TTC23L: variants seen among roughly 807,000 people sequenced by gnomAD.
TTC23L encodes the protein tetratricopeptide repeat domain 23 like, also known as tetratricopeptide repeat protein 23-like.
TTC23L carries 42 observed loss-of-function variants against 48.1 expected under a neutral mutation model. The ratio of observed to expected loss-of-function variants is 0.87; its 90% CI spans 0.68 to 1.13. The LOEUF is 1.13. Ranked by LOEUF, TTC23L falls within the 50% of genes most tolerant of loss-of-function variation. The pLI is 0.00. For missense variants in TTC23L, 391 were observed against 421.0 expected (o/e 0.93, Z 0.62); for synonymous variants, 159 against 157.2 (o/e 1.01, Z -0.09).
At chr5:34,908,884 G>A in the TTC23L span, 5 of 1,612,926 alleles carry the variant, frequency 3.1e-6, no homozygotes, top group Non-Finnish European at 4.2e-6. Flanking sequence ...TTATCTGTCC[G>A]AATAGATACC....
chr5:34,925,444 CA>C, the TTC23L span: 1 of 1,613,124 alleles, frequency 6.2e-7, no homozygotes, highest in Non-Finnish European at 8.5e-7. Flanking sequence ...AACGGATTTA[CA>C]AAAGGCAAAG....
chr5:34,862,092 C>T (rs111373588), intron 4 of TTC23L, among the ~76,000 whole-genome samples: 5 of 152,204 alleles, frequency 3.3e-5, no homozygotes, highest in African/African-American at 1.2e-4. Context: ...TCCCTCACTG[C>T]AGTCTATGGA....
intron 9 of TTC23L, among the ~76,000 whole-genome samples, chr5:34,888,012 C>A (rs560509533): frequency 4.5e-4 from 69 of 152,280 alleles, no homozygotes; most frequent in African/African-American, 1.7e-3. Flanking sequence ...GAAACCTAAT[C>A]TTCGATGTGG....
the TTC23L span, chr5:34,906,634 G>A: frequency 1.3e-5 from 2 of 152,006 alleles, no homozygotes; most frequent in African/African-American, 4.8e-5. Context: ...GCAAGATCTT[G>A]TCTCCAAAAA....
chr5:34,913,198 C>G, the TTC23L span, among the ~76,000 whole-genome samples: 1 of 152,058 alleles, frequency 6.6e-6, no homozygotes, highest in Non-Finnish European at 1.5e-5. Context: ...ATATTTAAGA[C>G]ATGTCCAAAG....
In TTC23L at chr5:34,863,230, A is replaced by G. The variant is rs539970544; in HGVS notation, c.536+176A>G. Reference sequence around the variant, plus strand: ...CTAGAAGGGTGTGTATTCTCTTCCTATGTCTATTCATATAAGCTCTGAGTT... The same window carrying G: ...CTAGAAGGGTGTGTATTCTCTTCCTGTGTCTATTCATATAAGCTCTGAGTT... On this transcript the variant is annotated intron_variant, in intron 5 of 10. Coordinates refer to ENST00000505624, the Ensembl canonical transcript of TTC23L. The surrounding 1 kb of genome is among the most constrained non-coding windows in gnomAD (Gnocchi z 4.1). Among the ~76,000 whole-genome samples, 2 of 152,184 alleles carry G rather than the reference A, an allele frequency of 1.3e-5. No individual in the cohort carries two copies. Among genetic ancestry groups the G allele is most frequent in the African/African-American group, 4.8e-5 (2 of 41,502 alleles).
At chr5:34,923,830 GTCTTATA>G in the TTC23L span, among the ~76,000 whole-genome samples, 1 of 152,266 alleles carries the variant, frequency 6.6e-6, no homozygotes, top group East Asian at 1.9e-4. Context: ...ACTATGTACT[GTCTTATA>G]TCTTAAGTGA....
intron 9 of TTC23L, among the ~76,000 whole-genome samples, chr5:34,884,147 A>C (rs1762407848): frequency 6.6e-6 from 1 of 152,242 alleles, no homozygotes; most frequent in Non-Finnish European, 1.5e-5. Flanking sequence ...AGAATGAAGG[A>C]TAAAAGTCAG....
rs560568422 is a variant in TTC23L at position 34,880,107 on chromosome 5, A to C, written c.950-74A>C. The stretch of plus-strand genomic sequence containing the variant: ...ATGGACTTTAAGCATGAAAATGTCA[A>C]TTGAGCCAAAGCTGATATTAGACAT... On this transcript the variant is annotated intron_variant, in intron 8 of 10. Transcript: ENST00000505624. 19 of 1,530,442 alleles carry C rather than the reference A, an allele frequency of 1.2e-5. No individual in the cohort carries two copies. The East Asian group carries it at 2.3e-4, about 18-fold the overall frequency. The allele number at this position is 1,530,442 out of a possible 1,614,324, so 94.8% of individuals were successfully genotyped here. A position where few individuals can be genotyped will look rare whatever the true frequency, so the allele number is the denominator to read the frequency against.
At chr5:34,925,440 T>G in the TTC23L span, 216 of 1,613,810 alleles carry the variant, frequency 1.3e-4, no homozygotes, top group African/African-American at 2.7e-3. Flanking sequence ...AAGAAACGGA[T>G]TTACAAAAGG....
At chr5:34,882,721 C>A (rs1368985300) in intron 9 of TTC23L, among the ~76,000 whole-genome samples, 2 of 151,718 alleles carry the variant, frequency 1.3e-5, no homozygotes, top group African/African-American at 4.8e-5. Flanking sequence ...TCATCTGGAA[C>A]CACCTTCTTC....
intron 8 of TTC23L, among the ~76,000 whole-genome samples, chr5:34,879,227 C>T (rs1035204420): frequency 2.0e-5 from 3 of 152,044 alleles, no homozygotes; most frequent in Non-Finnish European, 4.4e-5. Context: ...TTAATGAGTA[C>T]AATGTATGTT....
intron 7 of TTC23L, chr5:34,868,675 C>T (rs528199157): frequency 5.0e-6 from 2 of 403,796 alleles, no homozygotes; most frequent in South Asian, 3.3e-5. Context: ...TGAGAACTTA[C>T]CACGTGATGA....
intron 9 of TTC23L, 43 bp downstream of exon 9, chr5:34,880,351 T>C (rs1762141932): frequency 6.4e-7 from 1 of 1,566,498 alleles, no homozygotes; most frequent in Non-Finnish European, 8.6e-7. Flanking sequence ...AGTTTGTTTA[T>C]TAGATCACAA....
At chr5:34,915,783 G>A in the TTC23L span, 28 of 1,598,090 alleles carry the variant, frequency 1.8e-5, no homozygotes, top group African/African-American at 6.7e-5. Flanking sequence ...TTGCAGTTCA[G>A]GCGAAGAAGC....
intron 8 of TTC23L, among the ~76,000 whole-genome samples, chr5:34,872,829 G>A (rs1580460061): frequency 1.3e-5 from 2 of 152,166 alleles, no homozygotes; most frequent in Admixed American, 6.5e-5. Flanking sequence ...TTGAGAGGCC[G>A]AGGCAGGTAT....
At chr5:34,840,665 G>A (rs1355391064) in exon 2 of TTC23L, 1 of 1,613,816 alleles carries the variant, frequency 6.2e-7, no homozygotes, top group South Asian at 1.1e-5. Flanking sequence ...TTCTTGGTAG[G>A]AAGAAGATGC....
At chr5:34,909,376 C>A in the TTC23L span, 5 of 1,490,536 alleles carry the variant, frequency 3.4e-6, no homozygotes, top group South Asian at 3.5e-5. Context: ...ATGATTACCT[C>A]ATTTATTCAT....
At chr5:34,896,200 C>T (rs146466759) in intron 9 of TTC23L, among the ~76,000 whole-genome samples, 179 of 152,274 alleles carry the variant, frequency 1.2e-3, no homozygotes, top group African/African-American at 4.2e-3. Flanking sequence ...TTTAGCAGAG[C>T]AGTGGGGAGC....
Sources: gnomAD v4.1 joint callset for allele counts (sites outside exome capture counted in the v4.1 genomes callset) on GRCh38, gnomAD v4.1.1 for gene constraint, Gnocchi (gnomAD v3.1) non-coding constraint, MANE v1.5 for transcripts, NCBI Gene and HGNC (gene_info 2026-07-23, HGNC 2026-07-21) for gene names.